Variants in POLR2M observed in about 807,000 individuals in gnomAD.
POLR2M encodes protein GRINL1A.
In POLR2M, 30 loss-of-function variants were observed where a neutral mutation model predicts 34.6. The observed-to-expected ratio is 0.87, with a 90% CI of 0.65 to 1.18. The LOEUF (loss-of-function observed/expected upper bound fraction) is 1.18, where lower values mean the gene tolerates loss of function less well. POLR2M is among the 50% of genes most tolerant of loss of function. The pLI is 0.00. For missense variants in POLR2M, 432 were observed against 448.7 expected, an observed-to-expected ratio of 0.96 and a Z score of 0.34; for synonymous variants, 150 against 166.7, an observed-to-expected ratio of 0.90 and a Z score of 0.77.
rs775383125 is a variant in POLR2M at position 57,714,701 on chromosome 15, A to G, written c.*22A>G. 3 of 1,607,442 alleles carry G rather than the reference A, an allele frequency of 1.9e-6. No individual in the cohort carries two copies. In the East Asian group the frequency reaches 6.7e-5, roughly 36 times the overall value. ...CTGAAGATAATCTCCTAAATCACTG[A>G]CGTTGAGATGTCATCATCTTACATC... On this transcript the variant is annotated 3_prime_UTR_variant, in exon 4 of 4. Transcript: ENST00000299638.
At chr15:57,710,941 T>C (rs547723773) in intron 2 of POLR2M, among the ~76,000 whole-genome samples, 1 of 152,310 alleles carries the variant, frequency 6.6e-6, no homozygotes, top group East Asian at 1.9e-4. Flanking sequence ...TCTGGCTTCA[T>C]GTATCACCTG....
intron 1 of POLR2M, among the ~76,000 whole-genome samples, 162 bp from the exon 2 acceptor site, chr15:57,708,552 C>T (rs986186270): frequency 5.3e-5 from 8 of 152,118 alleles, no homozygotes; most frequent in Admixed American, 5.2e-4. Flanking sequence ...TGGATAATGA[C>T]CATTTTAATT....
intron 1 of POLR2M, chr15:57,707,275 C>G: frequency 2.3e-6 from 2 of 870,738 alleles, no homozygotes; most frequent in Non-Finnish European, 3.5e-6. Context: ...CCTTTTGTCG[C>G]CCGCACCCCT....
chr15:57,709,506 T>C, intron 2 of POLR2M, 148 bp downstream of exon 2: 1 of 888,402 alleles, frequency 1.1e-6, no homozygotes, highest in Non-Finnish European at 1.7e-6. Context: ...GTCCAGGAGT[T>C]GTAGACCAGC....
intron 3 of POLR2M, among the ~76,000 whole-genome samples, chr15:57,713,521 C>A (rs1420689612): frequency 6.6e-6 from 1 of 151,960 alleles, no homozygotes; most frequent in Non-Finnish European, 1.5e-5. Context: ...TCAAGAAGTT[C>A]AAGAAAGCAT....
At position 57,706,720 on chromosome 15, in the gene POLR2M, C is replaced by T. The variant is rs2040490775; in HGVS notation, c.-123C>T. 8.8e-7 allele frequency: 1 copy of T among 1,141,886 alleles called. No individual in the cohort carries two copies. Among genetic ancestry groups the T allele is most frequent in the Non-Finnish European group, 1.2e-6 (1 of 812,050 alleles). 70.7% of individuals were successfully genotyped at this position (1,141,886 alleles called of 1,614,324 possible). A position where few individuals can be genotyped will look rare whatever the true frequency, so the allele number is the denominator to read the frequency against. On this transcript the variant is annotated 5_prime_UTR_variant, in exon 1 of 4. Coordinates refer to ENST00000299638, the MANE Select transcript of POLR2M (RefSeq NM_015532.5). ...TCGGCTCGAAGAAGACCCCGTTCTT[C>T]CGGGAAAATGGCGACTCCCGCTCGT...
In POLR2M at chr15:57,715,372, G is replaced by T; in HGVS notation, c.*693G>T. 6.6e-6 allele frequency: 1 copy of T among 152,034 alleles called. No individual in the cohort carries two copies. The highest frequency in any genetic ancestry group is 1.9e-4 in the East Asian group (1 of 5,160). 9.4% of individuals were successfully genotyped at this position (152,034 alleles called of 1,614,324 possible). ...TTTTGAGATGGGGTCTTGCTCTGTC[G>T]CCCAGGCTGGAGTGCAGTGGCAGGA... On this transcript the variant is annotated 3_prime_UTR_variant, in exon 4 of 4. Transcript: ENST00000299638.
chr15:57,714,194 G>T (rs183033756), intron 3 of POLR2M, among the ~76,000 whole-genome samples: 4 of 152,258 alleles, frequency 2.6e-5, no homozygotes, highest in Non-Finnish European at 4.4e-5. Flanking sequence ...TGTTATGTGA[G>T]TGTGTATACA....
In POLR2M at chr15:57,707,087, A is replaced by T. The variant is rs565182386; in HGVS notation, c.113+132A>T. On this transcript the variant is annotated intron_variant, in intron 1 of 3. Coordinates refer to ENST00000299638, the MANE Select transcript of POLR2M (RefSeq NM_015532.5). The stretch of plus-strand genomic sequence containing the variant: ...ACTCAGTCACATTCGCTTCAGTCCT[A>T]CGGGCGAGTGGACGGAGGGCTTGCT... 5.3e-4 allele frequency: 824 copies of T among 1,549,988 alleles called. 14 individuals are homozygous for T. In the South Asian group the frequency reaches 9.4e-3, roughly 18 times the overall value.
chr15:57,717,296 A>G lies in POLR2M; in HGVS notation c.*2617A>G, dbSNP rs2040984046. 1 of 152,230 alleles carries G rather than the reference A, an allele frequency of 6.6e-6. No homozygotes were observed. Among genetic ancestry groups the G allele is most frequent in the African/African-American group, 2.4e-5 (1 of 41,462 alleles). The allele number at this position is 152,230 out of a possible 1,614,324, so 9.4% of individuals were successfully genotyped here. A position where few individuals can be genotyped will look rare whatever the true frequency, so the allele number is the denominator to read the frequency against. ...TTTTAAATTTTGTGAAATATAACTT[A>G]CAAATAAGTACTTAAAACAGAGCTT... is the stretch of plus-strand genomic sequence containing the variant. On this transcript the variant is annotated 3_prime_UTR_variant, in exon 4 of 4. Transcript: ENST00000299638.
intron 3 of POLR2M, 34 bp from the exon 4 acceptor site, chr15:57,714,502 C>T (rs764468906): frequency 1.6e-5 from 25 of 1,609,154 alleles, no homozygotes; most frequent in South Asian, 1.1e-4. Context: ...GAGATGTGAA[C>T]GTGTAACTTT....
intron 1 of POLR2M, among the ~76,000 whole-genome samples, chr15:57,708,179 T>C (rs1354594045): frequency 6.6e-6 from 1 of 152,210 alleles, no homozygotes; most frequent in Non-Finnish European, 1.5e-5. Context: ...ATGTATTTAC[T>C]TATCAGAAAT....
Position 57,706,750 on chromosome 15 carries a change from C to T in POLR2M, c.-93C>T. The stretch of plus-strand genomic sequence containing the variant: ...AAAATGGCGACTCCCGCTCGTGCCC[C>T]GGAGTCACCGCCGTCCGCGGATCCG... On this transcript the variant is annotated 5_prime_UTR_variant, in exon 1 of 4. Transcript: ENST00000299638. 2 of 1,419,524 alleles carry T rather than the reference C, an allele frequency of 1.4e-6. No homozygotes were observed. The highest frequency in any genetic ancestry group is 3.5e-4 in the Middle Eastern group (2 of 5,640). 87.9% of individuals were successfully genotyped at this position (1,419,524 alleles called of 1,614,324 possible).
chr15:57,708,658 A>G (rs2040586010), intron 1 of POLR2M, 56 bp from the exon 2 acceptor site: 9 of 1,449,364 alleles, frequency 6.2e-6, no homozygotes, highest in African/African-American at 1.4e-5. Context: ...TTTTAATGTT[A>G]TATCTCAAGT....
At chr15:57,710,142 A>G (rs1412278604) in intron 2 of POLR2M, among the ~76,000 whole-genome samples, 8 of 152,234 alleles carry the variant, frequency 5.3e-5, no homozygotes, top group African/African-American at 1.7e-4. Flanking sequence ...GAGTTAAGCT[A>G]CATAATAATA....
In POLR2M at chr15:57,717,459, C is replaced by T. The variant is rs2040992142; in HGVS notation, c.*2780C>T. ...ACTATCCTGACGTATGGTAATTCTC[C>T]CTCTGTCCTTTTAAGAATTATTTTA... On this transcript the variant is annotated 3_prime_UTR_variant, in exon 4 of 4. Transcript: ENST00000299638. The T allele has an allele frequency of 6.6e-6, 1 of 152,116 alleles. No individual in the cohort carries two copies. 9.4% of individuals were successfully genotyped at this position (152,116 alleles called of 1,614,324 possible).
chr15:57,712,087 A>G lies in POLR2M; in HGVS notation c.862A>G (p.Ile288Val). ...RRRDKQHLDD[I>V]TAARLLPLHH... Reference sequence around the variant, plus strand: ...CAGGGATAAGCAGCATCTTGATGACATCACAGCAGCTCGGCTTCTACCACT... The same window carrying G: ...CAGGGATAAGCAGCATCTTGATGACGTCACAGCAGCTCGGCTTCTACCACT... The change falls in exon 3 of 4, where the codon ATC becomes GTC. Residue 288 changes from isoleucine to valine, a missense_variant. Physicochemically the swap from Ile to Val is conservative, Grantham distance 29. Transcript: ENST00000299638. The G allele has an allele frequency of 1.2e-6, 2 of 1,614,216 alleles. No individual in the cohort carries two copies. The highest frequency in any genetic ancestry group is 1.7e-6 in the Non-Finnish European group (2 of 1,180,038).
chr15:57,714,785 A>G lies in POLR2M; in HGVS notation c.*106A>G, dbSNP rs527375690. 2 of 1,507,784 alleles carry G rather than the reference A, an allele frequency of 1.3e-6. No homozygotes were observed. The highest frequency in any genetic ancestry group is 4.8e-5 in the East Asian group (2 of 41,840). The allele number at this position is 1,507,784 out of a possible 1,614,324, so 93.4% of individuals were successfully genotyped here. A position where few individuals can be genotyped will look rare whatever the true frequency, so the allele number is the denominator to read the frequency against. On this transcript the variant is annotated 3_prime_UTR_variant, in exon 4 of 4. Transcript: ENST00000299638. ...ATATTGTTGAGGGAAGTAATTTTAT[A>G]AAGTTACACAAAGGTAGTTATAAAA... is the stretch of plus-strand genomic sequence containing the variant.
chr15:57,707,174 A>T (rs2040524837), intron 1 of POLR2M: 6 of 1,492,430 alleles, frequency 4.0e-6, no homozygotes, highest in South Asian at 2.6e-5. Flanking sequence ...CTCGGATTGA[A>T]CGGCTACCTG....
Sources: gnomAD v4.1 joint callset for allele counts (sites outside exome capture counted in the v4.1 genomes callset) on GRCh38, gnomAD v4.1.1 for gene constraint, MANE v1.5 for transcripts, NCBI Gene and HGNC (gene_info 2026-07-23, HGNC 2026-07-21) for gene names.